The following CADPS variants were observed in gnomAD, a reference collection of about 807,000 sequenced individuals.
The protein encoded by CADPS is calcium dependent secretion activator.
In CADPS, 57 loss-of-function variants were observed where a neutral mutation model predicts 167.3. The ratio of observed to expected loss-of-function variants is 0.34; its 90% CI spans 0.28 to 0.42. The LOEUF is 0.42. Among genes scored for constraint, CADPS ranks in the 20% least tolerant of loss-of-function variants. The probability of loss-of-function intolerance (pLI) is 1.00; values close to 1 mark genes in which losing one functional copy is unlikely to be tolerated. For synonymous variants in CADPS, 676 were observed against 635.3 expected (o/e 1.06, Z -0.96); for missense variants, 1,414 against 1,738.1 (o/e 0.81, Z 3.32).
At chr3:62,439,734 C>A (rs2055911601) in intron 27 of CADPS, 1 of 152,096 alleles carries the variant, frequency 6.6e-6, no homozygotes, top group Non-Finnish European at 1.5e-5. Context: ...ATGCTTGTGG[C>A]AATATGGCCT....
chr3:62,568,435 G>A (rs769296345), intron 9 of CADPS, among the ~76,000 whole-genome samples: 2 of 152,210 alleles, frequency 1.3e-5, no homozygotes, highest in Non-Finnish European at 2.9e-5. Flanking sequence ...GAGTCTTCAG[G>A]CTTTCGTCTT....
intron 12 of CADPS, among the ~76,000 whole-genome samples, chr3:62,535,082 TA>T (rs2074417413): frequency 6.6e-6 from 1 of 152,008 alleles, no homozygotes; most frequent in Admixed American, 6.6e-5. Context: ...GAATAGTAAT[TA>T]TATATAAAAG....
intron 27 of CADPS, among the ~76,000 whole-genome samples, chr3:62,444,727 C>G (rs903079294): frequency 6.6e-6 from 1 of 152,186 alleles, no homozygotes; most frequent in African/African-American, 2.4e-5. Flanking sequence ...CTCCAATTTT[C>G]TATTTTGTCT....
At chr3:62,767,847 A>G (rs1004261587) in intron 1 of CADPS, among the ~76,000 whole-genome samples, 3 of 152,256 alleles carry the variant, frequency 2.0e-5, no homozygotes, top group Non-Finnish European at 2.9e-5. Flanking sequence ...ACTTAACCCA[A>G]TATAGCCAAA....
intron 6 of CADPS, among the ~76,000 whole-genome samples, chr3:62,644,831 C>G (rs1382177584): frequency 6.6e-6 from 1 of 152,210 alleles, no homozygotes; most frequent in Non-Finnish European, 1.5e-5. Context: ...CAAACTGGTT[C>G]AGGTGCCTCC....
Position 62,506,904 on chromosome 3 carries a change from C to T in CADPS, c.2599+5847G>A, listed in dbSNP as rs9844259. On this transcript the variant is annotated intron_variant, in intron 17 of 29. Transcript: ENST00000383710. ...GGTGCTATTTGTGGCCATATTGCTT[C>T]CCAAACTTCAACCATTAGCTCCAGT... 5.4e-3 allele frequency among the ~76,000 whole-genome samples: 818 copies of T among 152,284 alleles called. 7 individuals carry two copies. The highest frequency in any genetic ancestry group is 0.019 in the African/African-American group (782 of 41,556).
intron 1 of CADPS, among the ~76,000 whole-genome samples, chr3:62,796,758 T>G (rs1281689843): frequency 1.3e-5 from 2 of 152,156 alleles, no homozygotes; most frequent in African/African-American, 4.8e-5. Context: ...TATTTGCAGA[T>G]AAGCCAGACT....
intron 21 of CADPS, among the ~76,000 whole-genome samples, chr3:62,483,323 T>C (rs1576633273): frequency 2.7e-5 from 1 of 37,532 alleles, no homozygotes; most frequent in African/African-American, 1.1e-4. Context: ...AGTAGGGGAG[T>C]AGGGGAGTGG....
chr3:62,409,576 G>A (rs1289003472), intron 28 of CADPS, among the ~76,000 whole-genome samples: 2 of 152,312 alleles, frequency 1.3e-5, no homozygotes, highest in Admixed American at 6.5e-5. Context: ...GAATGAGTCC[G>A]AAGGCTACCA....
At chr3:62,537,608 A>C (rs1330904462) in intron 11 of CADPS, among the ~76,000 whole-genome samples, 1 of 152,118 alleles carries the variant, frequency 6.6e-6, no homozygotes, top group African/African-American at 2.4e-5. Context: ...TTTTCATGAA[A>C]CATCTTACTG....
At chr3:62,590,110 A>G (rs1390735338) in intron 7 of CADPS, among the ~76,000 whole-genome samples, 4 of 151,302 alleles carry the variant, frequency 2.6e-5, no homozygotes, top group Non-Finnish European at 5.9e-5. Context: ...AATCACATGA[A>G]CCTGGGAGGT....
chr3:62,459,866 G>A (rs2150256251), intron 26 of CADPS, among the ~76,000 whole-genome samples: 1 of 152,368 alleles, frequency 6.6e-6, no homozygotes, highest in South Asian at 2.1e-4. Flanking sequence ...CACAAAGGAA[G>A]TGGAGAATTT....
chr3:62,457,752 G>T (rs577248021), intron 26 of CADPS, among the ~76,000 whole-genome samples: 1 of 152,144 alleles, frequency 6.6e-6, no homozygotes. Context: ...ATACTACACA[G>T]CCATAAAAAA....
chr3:62,577,156 G>A (rs2082449037), intron 8 of CADPS, among the ~76,000 whole-genome samples: 1 of 151,938 alleles, frequency 6.6e-6, no homozygotes, highest in Non-Finnish European at 1.5e-5. Context: ...CTCTGCTCTG[G>A]GACTACTTGG....
At chr3:62,563,875 T>C (rs539521567) in intron 9 of CADPS, among the ~76,000 whole-genome samples, 1 of 152,368 alleles carries the variant, frequency 6.6e-6, no homozygotes, top group East Asian at 1.9e-4. Flanking sequence ...ATTAATTCAT[T>C]CCTTTTTATG....
chr3:62,417,629 C>T (rs2050406430), intron 28 of CADPS, among the ~76,000 whole-genome samples: 3 of 152,066 alleles, frequency 2.0e-5, no homozygotes. Context: ...TAAATTCTCT[C>T]AGGATGTTTA....
intron 1 of CADPS, among the ~76,000 whole-genome samples, chr3:62,772,150 A>G (rs1191018537): frequency 6.6e-6 from 1 of 152,196 alleles, no homozygotes; most frequent in East Asian, 1.9e-4. Flanking sequence ...CTCAATAATA[A>G]AAACAATACA....
chr3:62,616,332 G>A (rs2062289893), intron 6 of CADPS, among the ~76,000 whole-genome samples: 4 of 151,982 alleles, frequency 2.6e-5, no homozygotes, highest in South Asian at 4.2e-4. Context: ...TGTCAGGCAC[G>A]TATATTGGTT....
In CADPS at chr3:62,533,989, A is replaced by G. The variant is rs2074221662; in HGVS notation, c.2104-931T>C. 2.0e-5 allele frequency among the ~76,000 whole-genome samples: 3 copies of G among 152,212 alleles called. No homozygotes were observed. In the South Asian group the frequency reaches 6.2e-4, roughly 31 times the overall value. ...GGAATTCAGATCTGCAAATTAGAGC[A>G]GGTTTGGTGGCATGATGGGATGGAA... On this transcript the variant is annotated intron_variant, in intron 12 of 29. Transcript: ENST00000383710.
Sources: allele counts gnomAD v4.1 joint callset (sites outside exome capture counted in the v4.1 genomes callset), GRCh38; gene constraint gnomAD v4.1.1; transcripts MANE v1.5; gene names NCBI Gene and HGNC (gene_info 2026-07-23, HGNC 2026-07-21).